NCAM1: variants seen among roughly 807,000 people sequenced by gnomAD.
The protein encoded by NCAM1 is neural cell adhesion molecule 1, also known as antigen recognized by monoclonal antibody 5.1H11.
In NCAM1, 14 loss-of-function variants were observed where a neutral mutation model predicts 109.8. That is an observed-to-expected ratio of 0.13 (90% confidence interval 0.08 to 0.20). NCAM1 has a LOEUF of 0.20. Ranked by LOEUF, NCAM1 falls within the 10% of genes least tolerant of loss-of-function variation. The probability of loss-of-function intolerance (pLI) is 1.00; values close to 1 mark genes in which losing one functional copy is unlikely to be tolerated. For missense variants in NCAM1, 774 were observed against 1,109.9 expected, an observed-to-expected ratio of 0.70 and a Z score of 4.30; for synonymous variants, 418 against 442.9, an observed-to-expected ratio of 0.94 and a Z score of 0.70.
At chr11:113,124,016 G>T (rs1365530714) in intron 1 of NCAM1, among the ~76,000 whole-genome samples, 2 of 152,200 alleles carry the variant, frequency 1.3e-5, no homozygotes, top group African/African-American at 4.8e-5. Flanking sequence ...CAGTCATCCA[G>T]CTGGGAAGCA....
In NCAM1 at chr11:113,117,843, T is replaced by A. The variant is rs1042325524; in HGVS notation, c.53-84536T>A. Among the ~76,000 whole-genome samples the A allele has an allele frequency of 4.3e-4, 65 of 152,022 alleles. 2 individuals carry two copies. Among genetic ancestry groups the A allele is most frequent in the African/African-American group, 1.5e-3 (62 of 41,344 alleles). On this transcript the variant is annotated intron_variant, in intron 1 of 19. Coordinates refer to ENST00000316851, the MANE Select transcript of NCAM1 (RefSeq NM_181351.5). ...TATCATCACAGCAAACTGCTTGACA[T>A]TGTCTGAAATTTTGAGGGGAGGAGG...
chr11:113,225,934 A>G lies in NCAM1; in HGVS notation c.1089+4609A>G, dbSNP rs557011298. ...CCCTACAAGAGCTCCTGAAGGAAGCACTAAACATGGAAAGGAACAACTGGT... is the reference window on the plus strand; with the variant it reads ...CCCTACAAGAGCTCCTGAAGGAAGCGCTAAACATGGAAAGGAACAACTGGT... On this transcript the variant is annotated intron_variant, in intron 9 of 19. Transcript: ENST00000316851. 1.1e-4 allele frequency among the ~76,000 whole-genome samples: 17 copies of G among 152,334 alleles called. No individual in the cohort carries two copies. The East Asian group carries it at 3.3e-3, about 29-fold the overall frequency.
chr11:113,079,358 C>T (rs1938681795), intron 1 of NCAM1, among the ~76,000 whole-genome samples: 1 of 152,130 alleles, frequency 6.6e-6, no homozygotes, highest in Non-Finnish European at 1.5e-5. Context: ...ACCGGGGATC[C>T]AGCTCCAGAG....
At chr11:113,207,234 A>G in intron 5 of NCAM1, 27 bp from the exon 6 acceptor site, 4 of 1,594,618 alleles carry the variant, frequency 2.5e-6, no homozygotes, top group Non-Finnish European at 3.4e-6. Flanking sequence ...TTTCACAACC[A>G]CCCCATGACA....
chr11:113,193,767 G>A (rs1555110317), intron 1 of NCAM1, among the ~76,000 whole-genome samples: 4 of 152,138 alleles, frequency 2.6e-5, no homozygotes, highest in African/African-American at 9.7e-5. Flanking sequence ...TTGGTGGTGG[G>A]AGTGAGAGCC....
intron 1 of NCAM1, among the ~76,000 whole-genome samples, chr11:113,039,952 C>T (rs1953015944): frequency 6.6e-6 from 1 of 152,094 alleles, no homozygotes; most frequent in Non-Finnish European, 1.5e-5. Flanking sequence ...ACCAGCCTGG[C>T]CAACATGGCG....
intron 16 of NCAM1, 72 bp from the exon 17 acceptor site, chr11:113,260,074 C>A: frequency 7.1e-7 from 1 of 1,403,320 alleles, no homozygotes; most frequent in Non-Finnish European, 9.6e-7. Context: ...TGCCTATTGT[C>A]TGGTCTTACC....
chr11:113,233,078 G>C lies in NCAM1; in HGVS notation c.1523-69G>C. ...AGCAGAAATGACAGAGATGTGCCTTGTGACTGAGAGTTAATGGTCTTGGGC... is the reference window on the plus strand; with the variant it reads ...AGCAGAAATGACAGAGATGTGCCTTCTGACTGAGAGTTAATGGTCTTGGGC... On this transcript the variant is annotated intron_variant, in intron 12 of 19. Coordinates refer to ENST00000316851, the MANE Select transcript of NCAM1 (RefSeq NM_181351.5). The surrounding 1 kb of genome is among the most constrained non-coding windows in gnomAD (Gnocchi z 4.5). 2 of 1,450,950 alleles carry C rather than the reference G, an allele frequency of 1.4e-6. No individual in the cohort carries two copies. The highest frequency in any genetic ancestry group is 1.9e-6 in the Non-Finnish European group (2 of 1,056,440). The allele number at this position is 1,450,950 out of a possible 1,614,324, so 89.9% of individuals were successfully genotyped here. A position where few individuals can be genotyped will look rare whatever the true frequency, so the allele number is the denominator to read the frequency against.
At chr11:113,264,174 A>G in intron 17 of NCAM1, 1 of 985,232 alleles carries the variant, frequency 1.0e-6, no homozygotes, top group African/African-American at 1.7e-5. Context: ...ATATCATTCT[A>G]CATATCTCAT....
At chr11:113,197,508 C>T (rs1555111034) in intron 1 of NCAM1, among the ~76,000 whole-genome samples, 1 of 152,122 alleles carries the variant, frequency 6.6e-6, no homozygotes, top group African/African-American at 2.4e-5. Flanking sequence ...TAGAAAACTC[C>T]CTTATCTCAT....
At chr11:113,216,312 G>A (rs1164324374) in intron 8 of NCAM1, among the ~76,000 whole-genome samples, 2 of 151,918 alleles carry the variant, frequency 1.3e-5, no homozygotes, top group African/African-American at 4.8e-5. Flanking sequence ...ACCTCGCCCG[G>A]CTAATTTTTT....
intron 1 of NCAM1, among the ~76,000 whole-genome samples, chr11:113,032,352 G>C (rs1555078476): frequency 6.6e-6 from 1 of 152,108 alleles, no homozygotes; most frequent in African/African-American, 2.4e-5. Context: ...GCTTACCACA[G>C]GTCAGCAGGG....
At chr11:113,189,314 G>C (rs1396219074) in intron 1 of NCAM1, among the ~76,000 whole-genome samples, 2 of 151,996 alleles carry the variant, frequency 1.3e-5, no homozygotes, top group African/African-American at 2.4e-5. Flanking sequence ...GCCAGGCATG[G>C]TGGCGTGTGC....
intron 1 of NCAM1, among the ~76,000 whole-genome samples, chr11:113,094,528 C>T (rs782537952): frequency 1.3e-5 from 2 of 152,164 alleles, no homozygotes; most frequent in African/African-American, 2.4e-5. Context: ...TTTTCCATTG[C>T]TCTTCCACCC....
At chr11:112,983,047 G>C (rs1347194157) in intron 1 of NCAM1, among the ~76,000 whole-genome samples, 1 of 151,922 alleles carries the variant, frequency 6.6e-6, no homozygotes, top group Non-Finnish European at 1.5e-5. Flanking sequence ...ATATGTAATA[G>C]TTATTAAAAA....
At chr11:113,124,172 C>A (rs57290077) in intron 1 of NCAM1, among the ~76,000 whole-genome samples, 2 of 152,274 alleles carry the variant, frequency 1.3e-5, no homozygotes, top group Non-Finnish European at 2.9e-5. Context: ...GCAGAAGACC[C>A]GGAGCTAATT....
chr11:112,963,467 C>A lies in NCAM1; in HGVS notation c.52+1803C>A, dbSNP rs1335283638. 1.3e-5 allele frequency: 2 copies of A among 152,240 alleles called. No individual in the cohort carries two copies. Among genetic ancestry groups the A allele is most frequent in the Non-Finnish European group, 2.9e-5 (2 of 68,146 alleles). The allele number at this position is 152,240 out of a possible 1,614,324, so 9.4% of individuals were successfully genotyped here. A position where few individuals can be genotyped will look rare whatever the true frequency, so the allele number is the denominator to read the frequency against. ...ACACCTACGCGCGTGCGCTGACCGG[C>A]CGACCGCGGGCCGGGGGCTCTACTG... On this transcript the variant is annotated intron_variant, in intron 1 of 19. Coordinates refer to ENST00000316851, the MANE Select transcript of NCAM1 (RefSeq NM_181351.5). This position sits in a 1 kb window ranked among gnomAD's most constrained non-coding sequence, Gnocchi z 4.6.
chr11:113,031,929 G>A (rs184377476), intron 1 of NCAM1, among the ~76,000 whole-genome samples: 5 of 152,080 alleles, frequency 3.3e-5, no homozygotes, highest in Admixed American at 6.6e-5. Context: ...TATTATCATC[G>A]TTTTGTTTGT....
At chr11:113,110,843 T>C (rs1226595848) in intron 1 of NCAM1, among the ~76,000 whole-genome samples, 1 of 152,220 alleles carries the variant, frequency 6.6e-6, no homozygotes, top group East Asian at 1.9e-4. Context: ...CCTATTGGGA[T>C]AGGTCCTTTC....
Sources: gnomAD v4.1 joint callset for allele counts (sites outside exome capture counted in the v4.1 genomes callset) on GRCh38, gnomAD v4.1.1 for gene constraint, Gnocchi (gnomAD v3.1) non-coding constraint, MANE v1.5 for transcripts, NCBI Gene and HGNC (gene_info 2026-07-23, HGNC 2026-07-21) for gene names.